NRF1: variants seen among roughly 807,000 people sequenced by gnomAD.
NRF1 encodes alpha palindromic-binding protein.
In NRF1, 5 loss-of-function variants were observed where a neutral mutation model predicts 58.5. That is an observed-to-expected ratio of 0.09 (90% CI 0.04 to 0.18). The LOEUF is 0.18. Among genes scored for constraint, NRF1 ranks in the 10% least tolerant of loss-of-function variants. NRF1 has a pLI of 1.00. For synonymous variants in NRF1, 224 were observed against 246.7 expected (o/e 0.91, Z 0.86); for missense variants, 288 against 657.7 (o/e 0.44, Z 6.15).
intron 1 of NRF1, among the ~76,000 whole-genome samples, chr7:129,619,646 G>A (rs1023368859): frequency 1.3e-5 from 2 of 149,054 alleles, no homozygotes; most frequent in Admixed American, 6.7e-5. Context: ...GTTCTTCCAT[G>A]TCTCTCTGCA....
intron 1 of NRF1, among the ~76,000 whole-genome samples, chr7:129,625,092 G>A (rs1460341541): frequency 2.6e-5 from 4 of 152,106 alleles, no homozygotes; most frequent in Non-Finnish European, 5.9e-5. Flanking sequence ...GGAGACTCTG[G>A]GGGAGAATCT....
chr7:129,648,958 G>A (rs1801474988), intron 1 of NRF1, among the ~76,000 whole-genome samples: 2 of 151,242 alleles, frequency 1.3e-5, no homozygotes, highest in African/African-American at 4.9e-5. Flanking sequence ...TGGTGTGGGA[G>A]GGTATTTTTT....
chr7:129,711,922 A>G (rs1178898852), intron 8 of NRF1, among the ~76,000 whole-genome samples: 1 of 152,224 alleles, frequency 6.6e-6, no homozygotes, highest in East Asian at 1.9e-4. Flanking sequence ...TGTCACATTA[A>G]AACTGGAACT....
chr7:129,752,505 C>T (rs1328464519), intron 10 of NRF1, among the ~76,000 whole-genome samples: 2 of 151,954 alleles, frequency 1.3e-5, no homozygotes, highest in East Asian at 3.9e-4. Flanking sequence ...GCTTTGGAAA[C>T]CTTTTAAAAA....
At chr7:129,743,885 A>G (rs1340171767) in intron 10 of NRF1, among the ~76,000 whole-genome samples, 2 of 152,204 alleles carry the variant, frequency 1.3e-5, no homozygotes, top group Non-Finnish European at 2.9e-5. Flanking sequence ...TTAGGAAGGT[A>G]AGTCTGCTAC....
chr7:129,736,442 A>T (rs1167011904), intron 10 of NRF1, among the ~76,000 whole-genome samples: 1 of 151,898 alleles, frequency 6.6e-6, no homozygotes, highest in Non-Finnish European at 1.5e-5. Flanking sequence ...TTTTTAGTAG[A>T]GATGGGGTTT....
chr7:129,717,506 A>T, intron 9 of NRF1, 130 bp downstream of exon 9: 2 of 1,003,330 alleles, frequency 2.0e-6, no homozygotes, highest in South Asian at 3.8e-5. Flanking sequence ...CTCTTGGCCC[A>T]TACGATATTG....
At chr7:129,664,900 G>C (rs1363396279) in intron 2 of NRF1, among the ~76,000 whole-genome samples, 7 of 152,186 alleles carry the variant, frequency 4.6e-5, no homozygotes, top group Admixed American at 2.6e-4. Flanking sequence ...AGGCTTATTG[G>C]GGGGAGAAAA....
intron 1 of NRF1, among the ~76,000 whole-genome samples, chr7:129,617,308 A>G (rs774542663): frequency 3.3e-5 from 5 of 152,178 alleles, no homozygotes; most frequent in Admixed American, 3.3e-4. Context: ...TGTTGCTGCT[A>G]CTGAATGCTA....
chr7:129,615,596 TA>T (rs1672543648), intron 1 of NRF1, among the ~76,000 whole-genome samples: 1 of 152,226 alleles, frequency 6.6e-6, no homozygotes, highest in African/African-American at 2.4e-5. Context: ...AGCCTGAGCT[TA>T]CCCAAATATA....
intron 1 of NRF1, among the ~76,000 whole-genome samples, chr7:129,623,733 CTAA>C (rs1800855682): frequency 6.6e-6 from 1 of 152,126 alleles, no homozygotes; most frequent in African/African-American, 2.4e-5. Context: ...AGTATCTAAA[CTAA>C]TGTCATTTTT....
At chr7:129,744,945 A>C (rs577247643) in intron 10 of NRF1, among the ~76,000 whole-genome samples, 3 of 151,430 alleles carry the variant, frequency 2.0e-5, no homozygotes, top group South Asian at 2.1e-4. Flanking sequence ...ATGGGGGTTC[A>C]TTGTACTCCT....
At chr7:129,669,228 T>C (rs1801989732) in intron 2 of NRF1, among the ~76,000 whole-genome samples, 2 of 152,202 alleles carry the variant, frequency 1.3e-5, no homozygotes, top group Admixed American at 1.3e-4. Context: ...ATTACAGGTG[T>C]GAGCCACTGC....
intron 1 of NRF1, among the ~76,000 whole-genome samples, chr7:129,637,423 T>C (rs1801190841): frequency 6.6e-6 from 1 of 152,218 alleles, no homozygotes; most frequent in African/African-American, 2.4e-5. Context: ...GAGCTTATGC[T>C]GTTTGTCTTT....
At chr7:129,745,307 A>T (rs1803947930) in intron 10 of NRF1, among the ~76,000 whole-genome samples, 1 of 152,112 alleles carries the variant, frequency 6.6e-6, no homozygotes, top group African/African-American at 2.4e-5. Flanking sequence ...TGCTCTGTAC[A>T]GTCAGATCAG....
intron 1 of NRF1, among the ~76,000 whole-genome samples, chr7:129,618,551 C>T (rs1188395404): frequency 1.3e-5 from 2 of 152,064 alleles, no homozygotes; most frequent in African/African-American, 4.8e-5. Flanking sequence ...AAAAATTTGT[C>T]AGGTATAGTG....
At chr7:129,728,772 G>T (rs10239118) in intron 10 of NRF1, among the ~76,000 whole-genome samples, 45,350 of 152,104 alleles carry the variant, frequency 0.3, 6,831 homozygotes, top group Admixed American at 0.38. Context: ...ATTTTCCAAA[G>T]ATGCCAAACA....
At chr7:129,684,827 A>T (rs1294889226) in intron 4 of NRF1, among the ~76,000 whole-genome samples, 1 of 152,210 alleles carries the variant, frequency 6.6e-6, no homozygotes, top group African/African-American at 2.4e-5. Flanking sequence ...GATACAAGGT[A>T]TGAGATAAGG....
At chr7:129,623,047 C>T (rs185269612) in intron 1 of NRF1, among the ~76,000 whole-genome samples, 1 of 152,124 alleles carries the variant, frequency 6.6e-6, no homozygotes, top group Admixed American at 6.5e-5. Context: ...AAATGCTTAC[C>T]ATTTCATACT....
Sources: allele counts gnomAD v4.1 joint callset (sites outside exome capture counted in the v4.1 genomes callset), GRCh38; gene constraint gnomAD v4.1.1; transcripts MANE v1.5; gene names NCBI Gene and HGNC (gene_info 2026-07-23, HGNC 2026-07-21).